HS3ST4: variants seen among roughly 807,000 people sequenced by gnomAD.
HS3ST4 encodes heparan sulfate-glucosamine 3-sulfotransferase 4, also known as heparan sulfate glucosamine 3-O-sulfotransferase 4.
Under a neutral mutation model 29.2 loss-of-function variants are expected in HS3ST4, and 17 were observed. The observed-to-expected ratio is 0.58, with a 90% confidence interval of 0.40 to 0.87. The LOEUF is 0.87. Ranked by LOEUF, HS3ST4 falls within the 40% of genes least tolerant of loss-of-function variation. The probability of loss-of-function intolerance (pLI) is 0.00; values close to 1 mark genes in which losing one functional copy is unlikely to be tolerated. For missense variants in HS3ST4, 627 were observed against 634.5 expected (o/e 0.99, Z 0.13); for synonymous variants, 314 against 285.7 (o/e 1.10, Z -1.00).
chr16:26,021,120 A>T (rs1969408705), intron 1 of HS3ST4, among the ~76,000 whole-genome samples: 1 of 152,246 alleles, frequency 6.6e-6, no homozygotes, highest in South Asian at 2.1e-4. Context: ...CACTGCAAAC[A>T]CATACATGGT....
At chr16:25,830,772 A>C (rs1000052627) in intron 1 of HS3ST4, among the ~76,000 whole-genome samples, 2 of 151,126 alleles carry the variant, frequency 1.3e-5, no homozygotes, top group Non-Finnish European at 2.9e-5. Context: ...CATCTATACG[A>C]TCACAGCTCA....
chr16:26,029,766 C>G (rs146758186), intron 1 of HS3ST4, among the ~76,000 whole-genome samples: 10 of 152,304 alleles, frequency 6.6e-5, no homozygotes, highest in African/African-American at 2.4e-4. Context: ...GCATCAGTTC[C>G]AGGAGAAGGG....
intron 1 of HS3ST4, among the ~76,000 whole-genome samples, chr16:25,758,669 T>A (rs904283510): frequency 6.6e-6 from 1 of 152,038 alleles, no homozygotes; most frequent in Admixed American, 6.5e-5. Context: ...ATAGAAAGTG[T>A]TTGATTTGAA....
intron 1 of HS3ST4, among the ~76,000 whole-genome samples, chr16:25,848,620 T>A (rs1402175047): frequency 6.6e-6 from 1 of 152,120 alleles, no homozygotes; most frequent in Non-Finnish European, 1.5e-5. Context: ...TCTTCATCAT[T>A]CTGAAGATTG....
At chr16:25,999,897 T>TTATATATATTATATATATATATTATATA (rs1555477425) in intron 1 of HS3ST4, among the ~76,000 whole-genome samples, 4 of 131,882 alleles carry the variant, frequency 3.0e-5, no homozygotes, top group African/African-American at 8.6e-5. Context: ...TATATATATT[T>TTATATATATTATATATATATATTATATA]TATATATATA....
rs927504283 is a variant in HS3ST4, at chr16:25,903,613, G to A, written c.734+210462G>A. Among the ~76,000 whole-genome samples, 2 of 152,012 alleles carry A rather than the reference G, an allele frequency of 1.3e-5. 1 individual carries two copies. On this transcript the variant is annotated intron_variant, in intron 1 of 1. Coordinates refer to ENST00000331351, the MANE Select transcript of HS3ST4 (RefSeq NM_006040.3). ...GCAAAAGGGAGGATTGAGCATACTT[G>A]TCCACATCTTTACCTCTTCTTTCTT...
rs1232418058 is a variant in HS3ST4, at chr16:26,137,058, G to A, written c.*810G>A. 4.6e-5 allele frequency: 7 copies of A among 152,224 alleles called. No homozygotes were observed. Among genetic ancestry groups the A allele is most frequent in the African/African-American group, 1.2e-4 (5 of 41,518 alleles). 9.4% of individuals were successfully genotyped at this position (152,224 alleles called of 1,614,324 possible). On this transcript the variant is annotated 3_prime_UTR_variant, in exon 2 of 2. Coordinates refer to ENST00000331351, the MANE Select transcript of HS3ST4 (RefSeq NM_006040.3). ...GGGCTGCTCAAAGAGTAGAGTAATTGTAACCGAGGTCAGAGCTCTGGGGTT... is the reference window on the plus strand; with the variant it reads ...GGGCTGCTCAAAGAGTAGAGTAATTATAACCGAGGTCAGAGCTCTGGGGTT...
chr16:25,869,407 C>G (rs1431389204), intron 1 of HS3ST4, among the ~76,000 whole-genome samples: 1 of 152,104 alleles, frequency 6.6e-6, no homozygotes, highest in Non-Finnish European at 1.5e-5. Flanking sequence ...AAGGAAGACC[C>G]CTCAGGTTCA....
chr16:26,115,421 A>G (rs1899190220), intron 1 of HS3ST4, among the ~76,000 whole-genome samples: 2 of 152,030 alleles, frequency 1.3e-5, no homozygotes, highest in Admixed American at 6.6e-5. Context: ...TCTGTGGAGG[A>G]GTGTTCAGCT....
At chr16:25,979,563 A>G (rs1340949741) in intron 1 of HS3ST4, among the ~76,000 whole-genome samples, 1 of 152,200 alleles carries the variant, frequency 6.6e-6, no homozygotes, top group Non-Finnish European at 1.5e-5. Flanking sequence ...ACTGTCTCCT[A>G]TCATCCCCAG....
chr16:25,805,747 C>T (rs533793947), intron 1 of HS3ST4, among the ~76,000 whole-genome samples: 3 of 152,158 alleles, frequency 2.0e-5, no homozygotes, highest in Non-Finnish European at 4.4e-5. Flanking sequence ...GCAGGGTGTG[C>T]AGGTTTGTTA....
chr16:26,029,095 GAC>G (rs1969507363), intron 1 of HS3ST4: 1 of 152,188 alleles, frequency 6.6e-6, no homozygotes, highest in African/African-American at 2.4e-5. Context: ...TTCCTATCCT[GAC>G]ACAGTCATTC....
intron 1 of HS3ST4, among the ~76,000 whole-genome samples, chr16:26,000,271 T>G (rs1330633479): frequency 1.3e-5 from 2 of 152,140 alleles, no homozygotes; most frequent in Admixed American, 6.6e-5. Context: ...CCTCTCTTTC[T>G]CTCTGTCACA....
chr16:25,738,040 G>T (rs1008217933), intron 1 of HS3ST4, among the ~76,000 whole-genome samples: 5 of 152,014 alleles, frequency 3.3e-5, no homozygotes, highest in African/African-American at 1.2e-4. Context: ...AAGTACCTGG[G>T]ATTACAGGCA....
At chr16:25,994,011 G>A (rs1256744028) in intron 1 of HS3ST4, among the ~76,000 whole-genome samples, 10 of 132,970 alleles carry the variant, frequency 7.5e-5, no homozygotes, top group Middle Eastern at 3.8e-3. Context: ...TGTGTGTGGT[G>A]GAGAGAGAGA....
In HS3ST4 at chr16:25,737,805, C is replaced by T. The variant is rs1030344304; in HGVS notation, c.734+44654C>T. ...CAATTTGCCCACCTCCCTCTCCCTT[C>T]TCCCATCTTTGCTAATAGCAGCATC... On this transcript the variant is annotated intron_variant, in intron 1 of 1. Transcript: ENST00000331351. Among the ~76,000 whole-genome samples the T allele has an allele frequency of 2.0e-5, 3 of 152,246 alleles. No homozygotes were observed. In the East Asian group the frequency reaches 5.8e-4, roughly 29 times the overall value.
chr16:26,126,063 A>T (rs1256034564), intron 1 of HS3ST4, among the ~76,000 whole-genome samples: 1 of 152,210 alleles, frequency 6.6e-6, no homozygotes, highest in African/African-American at 2.4e-5. Context: ...CTTTGAACAG[A>T]AGTCCTTTAC....
Position 25,800,782 on chromosome 16 carries a change from G to C in HS3ST4, c.734+107631G>C, listed in dbSNP as rs1046696508. Among the ~76,000 whole-genome samples the C allele has an allele frequency of 3.9e-5, 6 of 152,172 alleles. No individual in the cohort carries two copies. The South Asian group carries it at 1.2e-3, about 32-fold the overall frequency. ...GATGAGGGCAGAGCCCTCATGAATG[G>C]TATTAGTGACCTTATAGGAGGGGTG... On this transcript the variant is annotated intron_variant, in intron 1 of 1. Coordinates refer to ENST00000331351, the MANE Select transcript of HS3ST4 (RefSeq NM_006040.3).
intron 1 of HS3ST4, among the ~76,000 whole-genome samples, chr16:26,069,433 A>G (rs140010426): frequency 3.3e-4 from 51 of 152,256 alleles, no homozygotes; most frequent in African/African-American, 1.2e-3. Flanking sequence ...TTTCTTTTGG[A>G]ACCTTGCTCC....
Sources: gnomAD v4.1 joint callset for allele counts (sites outside exome capture counted in the v4.1 genomes callset) on GRCh38, gnomAD v4.1.1 for gene constraint, MANE v1.5 for transcripts, NCBI Gene and HGNC (gene_info 2026-07-23, HGNC 2026-07-21) for gene names.